Variants in TTLL1 observed in about 807,000 individuals in gnomAD.
The protein encoded by TTLL1 is TTL family tubulin polyglutamylase complex subunit L1.
Under a neutral mutation model 47.8 loss-of-function variants are expected in TTLL1, and 33 were observed. That is an observed-to-expected ratio of 0.69 (90% CI 0.52 to 0.92). TTLL1 has a LOEUF of 0.92. TTLL1 is among the 40% of genes least tolerant of loss of function. The pLI is 0.00. For missense variants in TTLL1, 488 were observed against 547.5 expected, an observed-to-expected ratio of 0.89 and a Z score of 1.08; for synonymous variants, 225 against 214.1, an observed-to-expected ratio of 1.05 and a Z score of -0.45.
chr22:43,058,694 GT>G (rs991436140), intron 8 of TTLL1, among the ~76,000 whole-genome samples: 173 of 144,300 alleles, frequency 1.2e-3, no homozygotes, highest in African/African-American at 3.7e-3. Flanking sequence ...GTTTTTTTTT[GT>G]TTTTTTTTTT....
At chr22:43,078,199 G>A (rs530307840) in intron 2 of TTLL1, among the ~76,000 whole-genome samples, 1 of 152,104 alleles carries the variant, frequency 6.6e-6, no homozygotes, top group East Asian at 1.9e-4. Flanking sequence ...AAGAGCCTGT[G>A]TAAGAACCAG....
intron 8 of TTLL1, chr22:43,052,331 T>C: frequency 1.1e-5 from 2 of 179,180 alleles, no homozygotes; most frequent in Admixed American, 5.4e-5. Context: ...TTAACCTCTG[T>C]TCCCAGTGAC....
At chr22:43,079,644 G>A (rs1440807090) in intron 2 of TTLL1, among the ~76,000 whole-genome samples, 3 of 152,194 alleles carry the variant, frequency 2.0e-5, no homozygotes, top group Admixed American at 2.0e-4. Context: ...TCTACCTGGA[G>A]GTGACAGAAG....
intron 3 of TTLL1, among the ~76,000 whole-genome samples, chr22:43,070,720 G>A (rs930774887): frequency 3.3e-5 from 5 of 152,112 alleles, no homozygotes; most frequent in African/African-American, 4.8e-5. Context: ...TTAACGGCAC[G>A]TGGCCAGTCT....
chr22:43,051,877 T>C lies in TTLL1; in HGVS notation c.902A>G (p.Asn301Ser). 1 of 1,614,014 alleles carries C rather than the reference T, an allele frequency of 6.2e-7. No individual in the cohort carries two copies. Among genetic ancestry groups the C allele is most frequent in the Non-Finnish European group, 8.5e-7 (1 of 1,180,000 alleles). ...GCATTCAAAGCAGTGCTTGTCATTG[T>C]TCATCACCGGCTGGAGAGAGAGTGA... is the stretch of plus-strand genomic sequence containing the variant. ...QSLKAVAPVM[N>S]NDKHCFECYG... is the part of the protein sequence containing the mutation. Residue 301 changes from asparagine to serine, a missense_variant, in exon 9 of 11, where the codon AAC (asparagine) becomes AGC (serine). Asn to Ser is a conservative substitution (Grantham distance 46). Coordinates refer to ENST00000266254, the MANE Select transcript of TTLL1 (RefSeq NM_012263.5).
chr22:43,079,748 G>A (rs540674203), intron 2 of TTLL1, among the ~76,000 whole-genome samples, 154 bp downstream of exon 2: 5 of 152,310 alleles, frequency 3.3e-5, no homozygotes, highest in Non-Finnish European at 7.4e-5. Flanking sequence ...CAAACCTACC[G>A]AGGCAGACGG....
chr22:43,058,695 T>G (rs915815732), intron 8 of TTLL1, among the ~76,000 whole-genome samples: 6 of 136,580 alleles, frequency 4.4e-5, no homozygotes, highest in African/African-American at 8.3e-5. Context: ...TTTTTTTTTG[T>G]TTTTTTTTTT....
chr22:43,056,460 GTC>G (rs1274358039), intron 8 of TTLL1, among the ~76,000 whole-genome samples: 10 of 122,176 alleles, frequency 8.2e-5, no homozygotes, highest in Non-Finnish European at 1.5e-4. Flanking sequence ...CTTTCTTCTT[GTC>G]TTTTTTTTTT....
chr22:43,065,895 G>A (rs1239038120), intron 5 of TTLL1, among the ~76,000 whole-genome samples: 2 of 151,890 alleles, frequency 1.3e-5, no homozygotes, highest in Non-Finnish European at 2.9e-5. Flanking sequence ...TCAAGCTACT[G>A]GAGGCCTGTA....
intron 1 of TTLL1, among the ~76,000 whole-genome samples, chr22:43,087,007 C>T (rs1013918235): frequency 6.6e-6 from 1 of 152,192 alleles, no homozygotes; most frequent in Non-Finnish European, 1.5e-5. Context: ...CTCACCAACC[C>T]TCTTTAGCCC....
rs1168726609 is a variant in TTLL1, at chr22:43,083,806, G to A, written c.-89-3820C>T. Among the ~76,000 whole-genome samples the A allele has an allele frequency of 2.6e-5, 4 of 152,196 alleles. No homozygotes were observed. In the East Asian group the frequency reaches 7.7e-4, roughly 29 times the overall value. ...ATATCAAACTGGCTTAGGCTAATTA[G>A]GATTTATTCCTGAGTTGGGGATATG... On this transcript the variant is annotated intron_variant, in intron 1 of 10. Transcript: ENST00000266254.
At chr22:43,070,806 C>T (rs1928068757) in intron 3 of TTLL1, among the ~76,000 whole-genome samples, 1 of 152,086 alleles carries the variant, frequency 6.6e-6, no homozygotes, top group Non-Finnish European at 1.5e-5. Context: ...TTATTTCATC[C>T]AAAGCATTTC....
rs1926128983 is a variant in TTLL1 at position 43,046,395 on chromosome 22, C to G, written c.1142+15G>C. The G allele has an allele frequency of 6.2e-7, 1 of 1,612,362 alleles. No individual in the cohort carries two copies. Among genetic ancestry groups the G allele is most frequent in the East Asian group, 2.2e-5 (1 of 44,858 alleles). On this transcript the variant is annotated intron_variant, in intron 10 of 10. Coordinates refer to ENST00000266254, the MANE Select transcript of TTLL1 (RefSeq NM_012263.5). ...AAACACAGAAGGACAAGCGCACAGTCACACACACACTTACAGAATCTCGTA... is the reference window on the plus strand; with the variant it reads ...AAACACAGAAGGACAAGCGCACAGTGACACACACACTTACAGAATCTCGTA...
rs114421094 is a variant in TTLL1 at position 43,039,583 on chromosome 22, C to T, written c.*193G>A. 1.7e-5 allele frequency: 9 copies of T among 530,106 alleles called. No individual in the cohort carries two copies. In the East Asian group the frequency reaches 2.3e-4, roughly 13 times the overall value. 32.8% of individuals were successfully genotyped at this position (530,106 alleles called of 1,614,324 possible). On this transcript the variant is annotated 3_prime_UTR_variant, in exon 11 of 11. Coordinates refer to ENST00000266254, the MANE Select transcript of TTLL1 (RefSeq NM_012263.5). Reference sequence around the variant, plus strand: ...AGGTTAAAAATTAAAAAAAAAAGAGCGAGTTTTATACATCCGCATGAATTG... The same window carrying T: ...AGGTTAAAAATTAAAAAAAAAAGAGTGAGTTTTATACATCCGCATGAATTG...
chr22:43,081,021 T>C (rs1928849632), intron 1 of TTLL1, among the ~76,000 whole-genome samples: 2 of 148,616 alleles, frequency 1.3e-5, no homozygotes, highest in South Asian at 4.3e-4. Flanking sequence ...GCTCAAGCGA[T>C]TCTTCTGCCT....
intron 2 of TTLL1, among the ~76,000 whole-genome samples, chr22:43,076,066 T>C (rs1928464559): frequency 6.6e-6 from 1 of 152,320 alleles, no homozygotes; most frequent in South Asian, 2.1e-4. Flanking sequence ...CGACTTCCGA[T>C]GGGTGAGTGG....
At chr22:43,040,045 TC>T in intron 10 of TTLL1, 140 bp from the exon 11 acceptor site, 1 of 1,184,430 alleles carries the variant, frequency 8.4e-7, no homozygotes, top group Non-Finnish European at 1.2e-6. Flanking sequence ...TCCTGCTGGC[TC>T]CCGCCCACCT....
chr22:43,058,189 G>A (rs1320886603), intron 8 of TTLL1, among the ~76,000 whole-genome samples: 1 of 151,806 alleles, frequency 6.6e-6, no homozygotes, highest in Non-Finnish European at 1.5e-5. Context: ...CGTGATCTGC[G>A]CACCTTGGCC....
chr22:43,079,813 G>C (rs1038676108), intron 2 of TTLL1, 89 bp downstream of exon 2: 1 of 152,284 alleles, frequency 6.6e-6, no homozygotes, highest in Non-Finnish European at 1.5e-5. Flanking sequence ...GCTTTAGCCA[G>C]ACCATCAGGT....
Sources: gnomAD v4.1 joint callset for allele counts (sites outside exome capture counted in the v4.1 genomes callset) on GRCh38, gnomAD v4.1.1 for gene constraint, MANE v1.5 for transcripts, NCBI Gene and HGNC (gene_info 2026-07-23, HGNC 2026-07-21) for gene names.